The following BRCA1 variants were observed in gnomAD, a reference collection of about 807,000 sequenced individuals.
BRCA1 encodes the protein BRCA1 DNA repair associated, also known as breast cancer type 1 susceptibility protein.
In BRCA1, 140 loss-of-function variants were observed where a neutral mutation model predicts 173.7. The observed-to-expected ratio is 0.81, with a 90% confidence interval of 0.70 to 0.93. The LOEUF is 0.93. BRCA1 is among the 40% of genes least tolerant of loss of function. The pLI is 0.00. For synonymous variants in BRCA1, 662 were observed against 756.0 expected (o/e 0.88, Z 2.04); for missense variants, 1,983 against 2,172.5 (o/e 0.91, Z 1.73).
At chr17:43,134,036 T>C (rs1414418286) in intron 1 of BRCA1, among the ~76,000 whole-genome samples, 1 of 152,210 alleles carries the variant, frequency 6.6e-6, no homozygotes, top group African/African-American at 2.4e-5. Context: ...AGTCCTTTCA[T>C]CTACAATGCC....
intron 6 of BRCA1, 96 bp from the exon 7 acceptor site, chr17:43,099,976 AC>A: frequency 1.0e-6 from 1 of 962,482 alleles, no homozygotes; most frequent in Non-Finnish European, 1.7e-6. Context: ...AAATAAATTG[AC>A]CATCATCAGT....
rs2051760414 is a variant in BRCA1 at position 43,061,638 on chromosome 17, A to G, written c.5193+1695T>C. Among the ~76,000 whole-genome samples, 4 of 150,930 alleles carry G rather than the reference A, an allele frequency of 2.7e-5. No homozygotes were observed. In the East Asian group the frequency reaches 7.8e-4, roughly 29 times the overall value. The stretch of plus-strand genomic sequence containing the variant: ...CATTCTGTCTCACAGGCTGGAGTGC[A>G]GTGGTGCAATCTAGGCTCACTGCAA... On this transcript the variant is annotated intron_variant, in intron 18 of 22. Transcript: ENST00000357654.
intron 1 of BRCA1, among the ~76,000 whole-genome samples, chr17:43,131,697 G>C (rs538401594): frequency 6.6e-6 from 1 of 151,190 alleles, no homozygotes; most frequent in African/African-American, 2.4e-5. Context: ...CTTCAGCCTC[G>C]GTGACAGAGC....
rs80357672 is a variant in BRCA1, at chr17:43,067,610, G to GT, written c.5071dup (p.Thr1691AsnfsTer4). The stretch of plus-strand genomic sequence containing the variant: ...TTCTGTAAAGGTTCTTGGTATACCT[G>GT]TTTTCATAACAACATGAGTAGTCTC... On this transcript the variant is annotated frameshift_variant, in exon 16 of 23. Transcript: ENST00000357654. LOFTEE classifies it high-confidence loss of function. 6.2e-7 allele frequency: 1 copy of GT among 1,608,280 alleles called. No homozygotes were observed. Among genetic ancestry groups the GT allele is most frequent in the Non-Finnish European group, 8.5e-7 (1 of 1,174,766 alleles).
At chr17:43,154,748 CCTG>C (rs1045894799) in intron 1 of BRCA1, among the ~76,000 whole-genome samples, 6 of 151,924 alleles carry the variant, frequency 3.9e-5, no homozygotes, top group African/African-American at 1.5e-4. Context: ...CAAAATAAAA[CCTG>C]CTCTCACATT....
At chr17:43,147,732 A>T (rs368589214) in intron 1 of BRCA1, among the ~76,000 whole-genome samples, 148 of 152,320 alleles carry the variant, frequency 9.7e-4, no homozygotes, top group Non-Finnish European at 1.7e-3. Context: ...AATAAATAAA[A>T]AAGAGAAAGT....
rs1389781390 is a variant in BRCA1 at position 43,082,637 on chromosome 17, A to G, written c.4186-62T>C. The G allele has an allele frequency of 6.5e-6, 10 of 1,547,508 alleles. No individual in the cohort carries two copies. In the Admixed American group the frequency reaches 1.5e-4, roughly 23 times the overall value. On this transcript the variant is annotated intron_variant, in intron 11 of 22. Transcript: ENST00000357654. ...ACTTTGAGAAGCTTTCCATTAAATG[A>G]AAATATATCATACAAATTAATTTTA...
intron 2 of BRCA1, among the ~76,000 whole-genome samples, chr17:43,121,621 T>C (rs987366718): frequency 7.6e-6 from 1 of 132,200 alleles, no homozygotes; most frequent in African/African-American, 2.9e-5. Context: ...AGGTGGAGGT[T>C]GTAGTGAGCC....
In BRCA1 at chr17:43,092,057, T is replaced by G; in HGVS notation, c.3474A>C (p.Glu1158Asp). 2 of 1,614,052 alleles carry G rather than the reference T, an allele frequency of 1.2e-6. No individual in the cohort carries two copies. Among genetic ancestry groups the G allele is most frequent in the Non-Finnish European group, 1.7e-6 (2 of 1,180,032 alleles). ...ETPDDLLDDG[E>D]IKEDTSFAEN... ...CAGCAAAACTAGTATCTTCCTTTATTTCACCATCATCTAACAGGTCATCAG... is the reference window on the plus strand; with the variant it reads ...CAGCAAAACTAGTATCTTCCTTTATGTCACCATCATCTAACAGGTCATCAG... The change falls in exon 10 of 23, where the codon GAA becomes GAC. Residue 1158 changes from glutamate (E) to aspartate (D), a missense_variant. Glu to Asp is a conservative substitution (Grantham distance 45). Coordinates refer to ENST00000357654, the MANE Select transcript of BRCA1 (RefSeq NM_007294.4).
rs80357169 is a variant in BRCA1, at chr17:43,067,689, C to G, written c.4993G>C (p.Val1665Leu). 1 of 1,610,740 alleles carries G rather than the reference C, an allele frequency of 6.2e-7. No homozygotes were observed. Among genetic ancestry groups the G allele is most frequent in the African/African-American group, 1.3e-5 (1 of 74,812 alleles). ...TGGTGTTTTCTGGCAAACTTGTACACGAGCATCTGAAATTAAATCAAATAT... is the reference window on the plus strand; with the variant it reads ...TGGTGTTTTCTGGCAAACTTGTACAGGAGCATCTGAAATTAAATCAAATAT... ...SGLTPEEFML[V>L]YKFARKHHIT... is the part of the protein sequence containing the mutation. Residue 1665 changes from valine (V) to leucine (L), a missense_variant, in exon 16 of 23, where the codon GTG becomes CTG. Transcript: ENST00000357654.
chr17:43,054,178 C>A (rs1178890770), intron 19 of BRCA1, among the ~76,000 whole-genome samples: 2 of 152,134 alleles, frequency 1.3e-5, no homozygotes, highest in African/African-American at 4.8e-5. Context: ...TACTGCCTAG[C>A]ATACAGTGGA....
upstream of BRCA1, chr17:43,170,268 A>AGAG (rs1292825614): frequency 5.9e-6 from 1 of 170,854 alleles, no homozygotes; most frequent in Non-Finnish European, 1.3e-5. Flanking sequence ...GAAACCGCTG[A>AGAG]GCAATAGCCT....
chr17:43,120,645 G>A (rs1393236193), intron 2 of BRCA1, among the ~76,000 whole-genome samples: 3 of 152,122 alleles, frequency 2.0e-5, no homozygotes, highest in Admixed American at 1.3e-4. Flanking sequence ...GACGCCTGTA[G>A]TCCCAGCTAC....
intron 13 of BRCA1, among the ~76,000 whole-genome samples, chr17:43,076,263 A>T (rs1203149550): frequency 1.3e-5 from 2 of 152,078 alleles, no homozygotes; most frequent in African/African-American, 4.8e-5. Flanking sequence ...TGACCTTCAG[A>T]AGGGACATAT....
At chr17:43,084,286 T>A (rs8176180) in intron 11 of BRCA1, among the ~76,000 whole-genome samples, 15 of 152,154 alleles carry the variant, frequency 9.9e-5, no homozygotes, top group Admixed American at 7.2e-4. Context: ...CGCCTCGGCC[T>A]CCCAAAGTGC....
rs397507252 is a variant in BRCA1, at chr17:43,097,292, A to G, written c.548-3T>C. On this transcript the variant is annotated splice_polypyrimidine_tract_variant and splice_region_variant and intron_variant, in intron 7 of 22. Coordinates refer to ENST00000357654, the MANE Select transcript of BRCA1 (RefSeq NM_007294.4). ...GGTATCTTCAGAAGAATCAGATCCT[A>G]AAAAATTTCCCCCCAAAAAATAAAT... 9 of 1,612,436 alleles carry G rather than the reference A, an allele frequency of 5.6e-6. No homozygotes were observed. Among genetic ancestry groups the G allele is most frequent in the Non-Finnish European group, 7.6e-6 (9 of 1,178,862 alleles).
upstream of BRCA1, among the ~76,000 whole-genome samples, chr17:43,127,878 G>T (rs1190423785): frequency 2.0e-5 from 3 of 151,902 alleles, no homozygotes; most frequent in Non-Finnish European, 4.4e-5. Context: ...CAAAATATTA[G>T]CTGGGTGCGG....
At chr17:43,120,933 G>A (rs866635407) in intron 2 of BRCA1, among the ~76,000 whole-genome samples, 75 of 152,032 alleles carry the variant, frequency 4.9e-4, no homozygotes, top group African/African-American at 1.7e-3. Flanking sequence ...CCACGGTGGC[G>A]TGCGCCTATA....
chr17:43,079,465 A>G (rs2052901156), intron 12 of BRCA1: 3 of 1,424,498 alleles, frequency 2.1e-6, no homozygotes, highest in Non-Finnish European at 2.9e-6. Flanking sequence ...ATGCCCCACA[A>G]GTGTTACCAT....
Sources: gnomAD v4.1 joint callset for allele counts (sites outside exome capture counted in the v4.1 genomes callset) on GRCh38, gnomAD v4.1.1 for gene constraint, MANE v1.5 for transcripts, NCBI Gene and HGNC (gene_info 2026-07-23, HGNC 2026-07-21) for gene names.